ARHGAP44: variants seen among roughly 807,000 people sequenced by gnomAD.
ARHGAP44 encodes rho GTPase-activating protein 44.
A neutral mutation model predicts 106.8 loss-of-function variants in ARHGAP44; 43 were observed. The observed-to-expected ratio is 0.40, with a 90% confidence interval of 0.32 to 0.52. The LOEUF (loss-of-function observed/expected upper bound fraction) is 0.52, where lower values mean the gene tolerates loss of function less well. Ranked by LOEUF, ARHGAP44 falls within the 20% of genes least tolerant of loss-of-function variation. ARHGAP44 has a pLI of 0.48. For synonymous variants in ARHGAP44, 439 were observed against 410.3 expected (o/e 1.07, Z -0.85); for missense variants, 866 against 1,050.5 (o/e 0.82, Z 2.43).
rs545324184 is a variant in ARHGAP44, at chr17:12,928,014, G to T, written c.465-915G>T. ...GAACCCACTGCTGAGACCTAATTCA[G>T]CTACTACTATAGCATAATTGGAACC... On this transcript the variant is annotated intron_variant, in intron 6 of 20. Coordinates refer to ENST00000379672, the MANE Select transcript of ARHGAP44 (RefSeq NM_014859.6). Among the ~76,000 whole-genome samples, 18 of 152,124 alleles carry T rather than the reference G, an allele frequency of 1.2e-4. 1 individual carries two copies. In the South Asian group the frequency reaches 3.3e-3, roughly 28 times the overall value.
chr17:12,967,723 C>T (rs577789435), intron 16 of ARHGAP44, among the ~76,000 whole-genome samples: 1 of 152,188 alleles, frequency 6.6e-6, no homozygotes, highest in Non-Finnish European at 1.5e-5. Context: ...CTCTTGAACC[C>T]TGAGCCGTCG....
intron 16 of ARHGAP44, 76 bp from the exon 17 acceptor site, chr17:12,973,226 C>G: frequency 6.7e-7 from 1 of 1,501,966 alleles, no homozygotes; most frequent in Non-Finnish European, 9.1e-7. Flanking sequence ...AGACCCCTTA[C>G]AGAAAGACAA....
intron 1 of ARHGAP44, among the ~76,000 whole-genome samples, chr17:12,883,340 A>G (rs957949789): frequency 6.6e-6 from 1 of 151,308 alleles, no homozygotes; most frequent in Non-Finnish European, 1.5e-5. Flanking sequence ...GTTTTTTTCA[A>G]AGAATTAACC....
chr17:12,882,163 AT>A (rs1461469347), intron 1 of ARHGAP44, among the ~76,000 whole-genome samples: 1 of 152,080 alleles, frequency 6.6e-6, no homozygotes, highest in Non-Finnish European at 1.5e-5. Flanking sequence ...GACTTCATTC[AT>A]GTCTTTTACT....
At chr17:12,872,985 C>T (rs2036446683) in intron 1 of ARHGAP44, among the ~76,000 whole-genome samples, 1 of 152,176 alleles carries the variant, frequency 6.6e-6, no homozygotes, top group Non-Finnish European at 1.5e-5. Context: ...GTAACCATGC[C>T]ATTTTTTCCC....
chr17:12,951,003 G>T (rs1467265576), intron 12 of ARHGAP44, among the ~76,000 whole-genome samples: 1 of 152,220 alleles, frequency 6.6e-6, no homozygotes, highest in Non-Finnish European at 1.5e-5. Flanking sequence ...GCTCAAATGT[G>T]TAGAGTGAGA....
chr17:12,908,890 T>G lies in ARHGAP44; in HGVS notation c.199-7T>G, dbSNP rs1212010735. The G allele has an allele frequency of 6.2e-7, 1 of 1,601,340 alleles. No individual in the cohort carries two copies. The highest frequency in any genetic ancestry group is 1.3e-5 in the African/African-American group (1 of 74,284). On this transcript the variant is annotated splice_polypyrimidine_tract_variant and splice_region_variant and intron_variant, in intron 3 of 20. Coordinates refer to ENST00000379672, the MANE Select transcript of ARHGAP44 (RefSeq NM_014859.6). ...AGCTTTCATTACAGCATTTGCTTTC[T>G]TTTCAGAAAAAGTTGCCTTTGACAA...
intron 13 of ARHGAP44, among the ~76,000 whole-genome samples, chr17:12,953,876 A>G (rs1598110770): frequency 6.6e-6 from 1 of 151,898 alleles, no homozygotes; most frequent in East Asian, 1.9e-4. Context: ...ACAGGAGATT[A>G]TTGTTTTTTG....
rs185486175 is a variant in ARHGAP44, at chr17:12,967,287, G to A, written c.1524-6015G>A. Among the ~76,000 whole-genome samples the A allele has an allele frequency of 7.4e-5, 9 of 121,368 alleles. No individual in the cohort carries two copies. In the East Asian group the frequency reaches 2.3e-3, roughly 31 times the overall value. 79.6% of individuals were successfully genotyped at this position (121,368 alleles called of 152,430 possible). A position where few individuals can be genotyped will look rare whatever the true frequency, so the allele number is the denominator to read the frequency against. On this transcript the variant is annotated intron_variant, in intron 16 of 20. Transcript: ENST00000379672. ...TTTTTTTTTTTTTTCCTGAGATACAGTCTTGCTCTGTTGCCCAGGCTGGTC... is the reference window on the plus strand; with the variant it reads ...TTTTTTTTTTTTTTCCTGAGATACAATCTTGCTCTGTTGCCCAGGCTGGTC...
chr17:12,948,746 ACACACC>A (rs952632507), intron 10 of ARHGAP44, among the ~76,000 whole-genome samples: 65 of 151,500 alleles, frequency 4.3e-4, no homozygotes, highest in Admixed American at 3.4e-3. Flanking sequence ...ACACACACAC[ACACACC>A]CCCTGTAGAC....
At chr17:12,920,142 A>C (rs1027358066) in intron 6 of ARHGAP44, among the ~76,000 whole-genome samples, 1 of 152,112 alleles carries the variant, frequency 6.6e-6, no homozygotes, top group Non-Finnish European at 1.5e-5. Flanking sequence ...TTGGGAGGCC[A>C]AGGCGGGCGG....
At chr17:12,973,179 A>G in intron 16 of ARHGAP44, 123 bp from the exon 17 acceptor site, 1 of 973,690 alleles carries the variant, frequency 1.0e-6, no homozygotes, top group East Asian at 2.6e-5. Context: ...TTATAGCACA[A>G]TAAAAATCCC....
intron 3 of ARHGAP44, among the ~76,000 whole-genome samples, chr17:12,901,349 G>T (rs2150927949): frequency 6.6e-6 from 1 of 152,282 alleles, no homozygotes; most frequent in East Asian, 1.9e-4. Flanking sequence ...CATGGTGAGG[G>T]TTTGGACTTT....
chr17:12,861,388 A>G (rs967264767), intron 1 of ARHGAP44, among the ~76,000 whole-genome samples: 2 of 152,166 alleles, frequency 1.3e-5, no homozygotes, highest in Non-Finnish European at 1.5e-5. Context: ...TCTGGAGGTC[A>G]GAAGTCTGGC....
At chr17:12,886,758 C>G (rs894261957) in intron 1 of ARHGAP44, among the ~76,000 whole-genome samples, 2 of 152,026 alleles carry the variant, frequency 1.3e-5, no homozygotes, top group Non-Finnish European at 2.9e-5. Flanking sequence ...ATTTGTCCCT[C>G]TTATATCTAC....
At chr17:12,891,690 C>T (rs560057555) in intron 1 of ARHGAP44, among the ~76,000 whole-genome samples, 10 of 152,230 alleles carry the variant, frequency 6.6e-5, no homozygotes, top group South Asian at 6.2e-4. Context: ...GTGTTACCTA[C>T]TATTTACATA....
rs1408734561 is a variant in ARHGAP44, at chr17:12,991,239, G to A, written c.*1068G>A. ...CTTTTCACACTTGGGGATTAGGGGA[G>A]TGAGAAAAGATTTGGGCCATGCATG... On this transcript the variant is annotated 3_prime_UTR_variant, in exon 21 of 21. Coordinates refer to ENST00000379672, the MANE Select transcript of ARHGAP44 (RefSeq NM_014859.6). The A allele has an allele frequency of 6.6e-6, 1 of 152,606 alleles. No homozygotes were observed. Among genetic ancestry groups the A allele is most frequent in the Non-Finnish European group, 1.5e-5 (1 of 68,042 alleles). 9.5% of individuals were successfully genotyped at this position (152,606 alleles called of 1,614,324 possible).
chr17:12,813,878 T>C (rs2034513642), intron 1 of ARHGAP44, among the ~76,000 whole-genome samples: 1 of 152,178 alleles, frequency 6.6e-6, no homozygotes, highest in Non-Finnish European at 1.5e-5. Context: ...TGAGTACCAG[T>C]GTGGAACTGG....
intron 1 of ARHGAP44, among the ~76,000 whole-genome samples, chr17:12,791,650 C>A (rs1373766760): frequency 6.6e-6 from 1 of 152,150 alleles, no homozygotes; most frequent in Non-Finnish European, 1.5e-5. Flanking sequence ...GGCATCATAT[C>A]TTATTTTTCA....
Sources: gnomAD v4.1 joint callset for allele counts (sites outside exome capture counted in the v4.1 genomes callset) on GRCh38, gnomAD v4.1.1 for gene constraint, MANE v1.5 for transcripts, NCBI Gene and HGNC (gene_info 2026-07-23, HGNC 2026-07-21) for gene names.